The following NPAS3 variants were observed in gnomAD, a reference collection of about 807,000 sequenced individuals.
NPAS3 encodes the protein neuronal PAS domain protein 3.
Under a neutral mutation model 73.1 loss-of-function variants are expected in NPAS3, and 14 were observed. The observed-to-expected ratio is 0.19, with a 90% CI of 0.13 to 0.30. The LOEUF (loss-of-function observed/expected upper bound fraction) is 0.30. Among genes scored for constraint, NPAS3 ranks in the 10% least tolerant of loss-of-function variants. The pLI is 1.00. For synonymous variants in NPAS3, 620 were observed against 541.5 expected, an observed-to-expected ratio of 1.14 and a Z score of -2.01; for missense variants, 1,096 against 1,250.0, an observed-to-expected ratio of 0.88 and a Z score of 1.86.
intron 11 of NPAS3, 74 bp downstream of exon 11, chr14:33,797,655 G>A: frequency 6.7e-7 from 1 of 1,498,146 alleles, no homozygotes; most frequent in Middle Eastern, 1.8e-4. Context: ...ACAGCCAGAG[G>A]GCCATCATCA....
chr14:33,581,596 TG>T lies in NPAS3; in HGVS notation c.558+21387del, dbSNP rs201501235. ...GGGCGTTTTTGTCTTTTTGAAACAG[TG>T]TCTCACTCTGTCGCCCAGGCTGGAG... On this transcript the variant is annotated intron_variant, in intron 5 of 11. Coordinates refer to ENST00000356141, the Ensembl canonical transcript of NPAS3. 0.013 allele frequency among the ~76,000 whole-genome samples: 1,987 copies of T among 152,302 alleles called. 101 individuals are homozygous for T. The East Asian group carries it at 0.2, about 15-fold the overall frequency.
At chr14:33,211,430 T>C (rs1396357789) in intron 2 of NPAS3, among the ~76,000 whole-genome samples, 2 of 152,142 alleles carry the variant, frequency 1.3e-5, no homozygotes, top group African/African-American at 2.4e-5. Context: ...GGTGCATGCC[T>C]GTAGTCCCAG....
intron 3 of NPAS3, among the ~76,000 whole-genome samples, chr14:33,220,138 G>A (rs2139703789): frequency 6.6e-6 from 1 of 152,290 alleles, no homozygotes; most frequent in South Asian, 2.1e-4. Context: ...TAGCTTCTGA[G>A]CAGGAGCCTC....
chr14:33,730,690 G>A (rs1389384742), intron 6 of NPAS3, among the ~76,000 whole-genome samples: 6 of 147,846 alleles, frequency 4.1e-5, no homozygotes, highest in Non-Finnish European at 7.4e-5. Flanking sequence ...GAAAAATTTT[G>A]CAAGGAAAAA....
intron 2 of NPAS3, among the ~76,000 whole-genome samples, chr14:33,213,217 C>T (rs559671773): frequency 7.5e-6 from 1 of 134,138 alleles, no homozygotes; most frequent in African/African-American, 2.9e-5. Flanking sequence ...TCTAGAGCCC[C>T]ATCATAGTCA....
intron 4 of NPAS3, among the ~76,000 whole-genome samples, chr14:33,469,481 T>A (rs74044812): frequency 6.6e-6 from 1 of 152,136 alleles, no homozygotes; most frequent in Admixed American, 6.5e-5. Flanking sequence ...ACCTCACAAC[T>A]AGTATGTCAA....
At chr14:33,590,624 G>C (rs1338399831) in intron 5 of NPAS3, among the ~76,000 whole-genome samples, 1 of 152,120 alleles carries the variant, frequency 6.6e-6, no homozygotes, top group Non-Finnish European at 1.5e-5. Flanking sequence ...CTTATTATAA[G>C]TTTATGTACA....
At chr14:32,992,787 C>T (rs759537282) in intron 1 of NPAS3, among the ~76,000 whole-genome samples, 22 of 151,982 alleles carry the variant, frequency 1.4e-4, no homozygotes, top group African/African-American at 4.8e-4. Context: ...CAAAGTTTTA[C>T]GTAACAAGAA....
chr14:32,992,463 A>T (rs1221761365), intron 1 of NPAS3, among the ~76,000 whole-genome samples: 2 of 152,082 alleles, frequency 1.3e-5, no homozygotes, highest in African/African-American at 4.8e-5. Context: ...TAGTGTCTAG[A>T]CCTGAGGTAG....
chr14:33,716,638 G>T (rs1339061273), intron 6 of NPAS3, among the ~76,000 whole-genome samples: 1 of 151,998 alleles, frequency 6.6e-6, no homozygotes, highest in Non-Finnish European at 1.5e-5. Context: ...TTTTCCCGCT[G>T]GAAATCCTTG....
chr14:33,104,018 C>T (rs2042651490), intron 2 of NPAS3, among the ~76,000 whole-genome samples: 1 of 152,098 alleles, frequency 6.6e-6, no homozygotes, highest in Non-Finnish European at 1.5e-5. Flanking sequence ...CCCCTAAAAG[C>T]TTATGGCGTC....
intron 6 of NPAS3, 73 bp from the exon 7 acceptor site, chr14:33,735,141 G>A: frequency 1.0e-6 from 1 of 1,000,780 alleles, no homozygotes. Context: ...CTCAAGGATT[G>A]CACCTGAGCT....
intron 3 of NPAS3, among the ~76,000 whole-genome samples, chr14:33,360,381 GC>G (rs1293177568): frequency 6.6e-6 from 1 of 152,144 alleles, no homozygotes; most frequent in Non-Finnish European, 1.5e-5. Flanking sequence ...GTTCACCCCA[GC>G]ACACTCCATA....
At chr14:33,739,676 T>G (rs760655805) in intron 7 of NPAS3, among the ~76,000 whole-genome samples, 11 of 152,188 alleles carry the variant, frequency 7.2e-5, no homozygotes, top group Admixed American at 2.0e-4. Flanking sequence ...ATAAAATCTA[T>G]AGAGCCTCTC....
At chr14:33,006,483 G>A (rs1566457902) in intron 1 of NPAS3, among the ~76,000 whole-genome samples, 2 of 152,096 alleles carry the variant, frequency 1.3e-5, no homozygotes, top group African/African-American at 4.8e-5. Context: ...CTAATTTTTT[G>A]GTGAGTAATT....
chr14:33,743,719 G>T (rs950756168), intron 7 of NPAS3, among the ~76,000 whole-genome samples: 3 of 152,170 alleles, frequency 2.0e-5, no homozygotes, highest in African/African-American at 7.2e-5. Flanking sequence ...AGGCTGTTTT[G>T]TATCCATTAA....
chr14:33,178,703 G>T (rs2139426146), intron 2 of NPAS3, among the ~76,000 whole-genome samples: 1 of 152,218 alleles, frequency 6.6e-6, no homozygotes, highest in East Asian at 1.9e-4. Context: ...TAATTTAGAT[G>T]CTCTAGTAGT....
intron 1 of NPAS3, among the ~76,000 whole-genome samples, chr14:32,954,028 A>G (rs2036584154): frequency 6.6e-6 from 1 of 152,130 alleles, no homozygotes; most frequent in South Asian, 2.1e-4. Flanking sequence ...TAAAATGGGG[A>G]TTATTATAGA....
chr14:33,157,090 C>CA (rs1229081210), intron 2 of NPAS3, among the ~76,000 whole-genome samples: 3 of 152,074 alleles, frequency 2.0e-5, no homozygotes, highest in African/African-American at 7.2e-5. Context: ...CTCAAACCAT[C>CA]AAAAATTTGC....
Sources: allele counts gnomAD v4.1 joint callset (sites outside exome capture counted in the v4.1 genomes callset), GRCh38; gene constraint gnomAD v4.1.1; transcripts MANE v1.5; gene names NCBI Gene and HGNC (gene_info 2026-07-23, HGNC 2026-07-21).